The following ACCSL variants were observed in gnomAD, a reference collection of about 807,000 sequenced individuals.
ACCSL encodes the protein probable inactive 1-aminocyclopropane-1-carboxylate synthase-like protein 2.
Under a neutral mutation model 61.7 loss-of-function variants are expected in ACCSL, and 55 were observed. The ratio of observed to expected loss-of-function variants is 0.89; its 90% CI spans 0.72 to 1.12. ACCSL has a LOEUF of 1.12. ACCSL is among the 50% of genes most tolerant of loss of function. The pLI is 0.00. For synonymous variants in ACCSL, 258 were observed against 264.3 expected, an observed-to-expected ratio of 0.98 and a Z score of 0.23; for missense variants, 632 against 698.0, an observed-to-expected ratio of 0.91 and a Z score of 1.07.
At chr11:44,013,485 C>T in the ACCSL span, among the ~76,000 whole-genome samples, 10 of 151,922 alleles carry the variant, frequency 6.6e-5, no homozygotes, top group African/African-American at 1.2e-4. Flanking sequence ...TGGAGGGGGG[C>T]GCTTGCCATG....
intron 11 of ACCSL, among the ~76,000 whole-genome samples, chr11:44,057,829 T>C (rs1470376096): frequency 2.0e-5 from 3 of 152,146 alleles, no homozygotes; most frequent in Non-Finnish European, 4.4e-5. Context: ...AGATAAGAGG[T>C]GGGTGTATCA....
the ACCSL span, among the ~76,000 whole-genome samples, chr11:43,981,287 G>C: frequency 6.6e-6 from 1 of 152,172 alleles, no homozygotes; most frequent in African/African-American, 2.4e-5. Flanking sequence ...GTTGAGGTCA[G>C]CTCCTAGAGG....
chr11:44,001,476 G>C, the ACCSL span, among the ~76,000 whole-genome samples: 1 of 151,984 alleles, frequency 6.6e-6, no homozygotes, highest in Non-Finnish European at 1.5e-5. Flanking sequence ...TATTGAAATT[G>C]GGAAACGTTC....
chr11:43,933,676 C>T, the ACCSL span, among the ~76,000 whole-genome samples: 80 of 152,258 alleles, frequency 5.3e-4, no homozygotes, highest in Middle Eastern at 0.01. Flanking sequence ...GAAGCTGTGC[C>T]GGAAAGCAGA....
the ACCSL span, among the ~76,000 whole-genome samples, chr11:43,974,250 C>T: frequency 6.6e-6 from 1 of 152,188 alleles, no homozygotes; most frequent in African/African-American, 2.4e-5. Flanking sequence ...ACAGTGTTGG[C>T]AGGATTGGTT....
chr11:44,028,322 G>A, the ACCSL span, among the ~76,000 whole-genome samples: 1 of 152,114 alleles, frequency 6.6e-6, no homozygotes, highest in Admixed American at 6.5e-5. Context: ...AGTTAGAGTT[G>A]GAGTGGGCAG....
the ACCSL span, among the ~76,000 whole-genome samples, chr11:44,000,749 GAAAATTGTAAAATAAAT>G: frequency 6.6e-6 from 1 of 150,826 alleles, no homozygotes. Context: ...AAGAAAGAAA[GAAAATTGTAAAATAAAT>G]AAAGAAATAA....
the ACCSL span, among the ~76,000 whole-genome samples, chr11:44,036,485 G>A: frequency 6.6e-6 from 1 of 152,198 alleles, no homozygotes; most frequent in African/African-American, 2.4e-5. Flanking sequence ...CAGTATTACA[G>A]ATTCCCAGGT....
At chr11:43,943,909 A>G in the ACCSL span, 8 of 1,185,358 alleles carry the variant, frequency 6.7e-6, no homozygotes, top group Non-Finnish European at 8.7e-6. The surrounding 1 kb of genome is among the most constrained non-coding windows in gnomAD (Gnocchi z 4.8). Context: ...GACTTTTTGC[A>G]CCTTCGGGGT....
At chr11:44,042,626 G>GT in the ACCSL span, among the ~76,000 whole-genome samples, 34 of 40,336 alleles carry the variant, frequency 8.4e-4, no homozygotes, top group South Asian at 3.8e-3. Context: ...CTTCCTGGTT[G>GT]TTTTTTTTTT....
the ACCSL span, among the ~76,000 whole-genome samples, chr11:43,999,376 T>C: frequency 5.3e-5 from 8 of 152,156 alleles, no homozygotes; most frequent in Non-Finnish European, 1.0e-4. Flanking sequence ...TCAGGATCTC[T>C]CAAAAAGCTG....
the ACCSL span, among the ~76,000 whole-genome samples, chr11:44,009,287 G>A: frequency 6.6e-6 from 1 of 152,182 alleles, no homozygotes; most frequent in Non-Finnish European, 1.5e-5. Flanking sequence ...TCTCCCAGCT[G>A]CTAAAAAGGA....
At chr11:43,932,267 T>TC in the ACCSL span, among the ~76,000 whole-genome samples, 2 of 152,172 alleles carry the variant, frequency 1.3e-5, no homozygotes, top group Non-Finnish European at 2.9e-5. Context: ...GACTTTTTTT[T>TC]CTTTCTTTTT....
chr11:43,972,902 G>C, the ACCSL span, among the ~76,000 whole-genome samples: 1 of 152,182 alleles, frequency 6.6e-6, no homozygotes, highest in Non-Finnish European at 1.5e-5. Flanking sequence ...TAGCACTTTG[G>C]GAGGCCGAGG....
At chr11:44,057,519 C>A (rs1237148491) in intron 11 of ACCSL, among the ~76,000 whole-genome samples, 2 of 152,242 alleles carry the variant, frequency 1.3e-5, no homozygotes, top group Middle Eastern at 3.2e-3. Context: ...TGTGTTCCAT[C>A]TTCAAAGATC....
chr11:44,047,045 C>T (rs1025473207), upstream of ACCSL, among the ~76,000 whole-genome samples: 13 of 151,964 alleles, frequency 8.6e-5, no homozygotes, highest in Non-Finnish European at 1.8e-4. Flanking sequence ...CAAAACAAAA[C>T]AAAATTGCTA....
upstream of ACCSL, among the ~76,000 whole-genome samples, chr11:44,043,784 T>C (rs1247751239): frequency 3.9e-5 from 6 of 152,324 alleles, no homozygotes; most frequent in Non-Finnish European, 8.8e-5. Flanking sequence ...TTAGTAATTT[T>C]ATCTTTAGAG....
chr11:43,999,853 GA>G, the ACCSL span, among the ~76,000 whole-genome samples: 66,706 of 151,482 alleles, frequency 0.44, 15,265 homozygotes, highest in Middle Eastern at 0.56. Context: ...AAAATATTCA[GA>G]AAAAAATAAA....
chr11:43,947,759 G>T, the ACCSL span, among the ~76,000 whole-genome samples: 1 of 28,234 alleles, frequency 3.5e-5, no homozygotes, highest in Non-Finnish European at 9.2e-5. Context: ...GAGAGAGAGA[G>T]AGAGAGGGAG....
Sources: allele counts gnomAD v4.1 joint callset (sites outside exome capture counted in the v4.1 genomes callset), GRCh38; gene constraint gnomAD v4.1.1; non-coding constraint Gnocchi (gnomAD v3.1); transcripts MANE v1.5; gene names NCBI Gene and HGNC (gene_info 2026-07-23, HGNC 2026-07-21).